Variants in TCF12 observed in about 807,000 individuals in gnomAD.
TCF12 encodes transcription factor 12.
TCF12 carries 45 observed loss-of-function variants against 86.0 expected under a neutral mutation model. That is an observed-to-expected ratio of 0.52 (90% CI 0.41 to 0.67). TCF12 has a LOEUF of 0.67. Among genes scored for constraint, TCF12 ranks in the 30% least tolerant of loss-of-function variants. The pLI, the probability that TCF12 is intolerant of heterozygous loss-of-function variation, is 0.00. For missense variants in TCF12, 881 were observed against 859.9 expected, an observed-to-expected ratio of 1.02 and a Z score of -0.31; for synonymous variants, 330 against 299.6, an observed-to-expected ratio of 1.10 and a Z score of -1.05.
intron 5 of TCF12, among the ~76,000 whole-genome samples, chr15:57,160,847 G>T (rs577620621): frequency 3.8e-4 from 58 of 150,904 alleles, no homozygotes; most frequent in African/African-American, 1.4e-3. Context: ...ACCATGCCCA[G>T]CTAAGTTTTT....
At chr15:57,200,830 G>T (rs1441320490) in intron 8 of TCF12, among the ~76,000 whole-genome samples, 4 of 152,074 alleles carry the variant, frequency 2.6e-5, no homozygotes, top group African/African-American at 9.7e-5. Context: ...GTGGATGAAG[G>T]TCTAACTAAG....
chr15:56,947,379 C>T (rs213166), intron 3 of TCF12, among the ~76,000 whole-genome samples: 26,861 of 152,086 alleles, frequency 0.18, 2,813 homozygotes, highest in Non-Finnish European at 0.23. Context: ...TCCTTCTCTG[C>T]GTAGCTTCCT....
intron 18 of TCF12, among the ~76,000 whole-genome samples, chr15:57,269,360 C>CTTTTTTTTTTTTTTTTT (rs56700978): frequency 3.1e-5 from 1 of 32,000 alleles, no homozygotes; most frequent in Non-Finnish European, 5.2e-5. Flanking sequence ...ACAACCCCTG[C>CTTTTTTTTTTTTTTTTT]TTTTTTTTTT....
chr15:57,100,313 A>G (rs1487496890), intron 5 of TCF12, among the ~76,000 whole-genome samples: 2 of 152,154 alleles, frequency 1.3e-5, no homozygotes, highest in Non-Finnish European at 2.9e-5. Flanking sequence ...TCAGAAGCAC[A>G]CCATAGCACG....
chr15:57,266,143 G>A (rs193230312), intron 18 of TCF12, among the ~76,000 whole-genome samples: 8 of 151,302 alleles, frequency 5.3e-5, no homozygotes, highest in South Asian at 2.1e-4. Flanking sequence ...ACAGGGTCTC[G>A]CTGTCACCCA....
intron 3 of TCF12, among the ~76,000 whole-genome samples, chr15:56,937,302 GATTTGTATACGTTA>G (rs1203612858): frequency 6.6e-6 from 1 of 151,658 alleles, no homozygotes; most frequent in Admixed American, 6.6e-5. Context: ...TAGAGCTACT[GATTTGTATACGTTA>G]ATTTGTATAC....
In TCF12 at chr15:57,034,121, G is replaced by A. The variant is rs141655942; in HGVS notation, c.149-29629G>A. ...TGGATACAGTTTAACACTTCATTAAGCAAATGGCTTCTCTTTCCTTAGGTG... is the reference window on the plus strand; with the variant it reads ...TGGATACAGTTTAACACTTCATTAAACAAATGGCTTCTCTTTCCTTAGGTG... On this transcript the variant is annotated intron_variant, in intron 3 of 20. Coordinates refer to ENST00000333725, the MANE Select transcript of TCF12 (RefSeq NM_207037.2). Among the ~76,000 whole-genome samples the A allele has an allele frequency of 9.2e-3, 1,408 of 152,246 alleles. 14 individuals carry two copies. The highest frequency in any genetic ancestry group is 0.018 in the South Asian group (87 of 4,824).
chr15:57,228,464 A>T (rs1026705095), intron 8 of TCF12, among the ~76,000 whole-genome samples: 6 of 152,084 alleles, frequency 3.9e-5, no homozygotes, highest in East Asian at 3.9e-4. Flanking sequence ...TTAAAAGTCC[A>T]TTGTTTTCAA....
chr15:57,166,705 C>T (rs151202663), intron 6 of TCF12, among the ~76,000 whole-genome samples: 25 of 152,278 alleles, frequency 1.6e-4, no homozygotes, highest in East Asian at 5.8e-4. Context: ...ACAAAGCTAC[C>T]GCTTTCCAAA....
At chr15:57,221,687 A>G (rs986863761) in intron 8 of TCF12, among the ~76,000 whole-genome samples, 1 of 152,102 alleles carries the variant, frequency 6.6e-6, no homozygotes, top group Non-Finnish European at 1.5e-5. Flanking sequence ...ATATAAATAA[A>G]GAGATGATAT....
intron 4 of TCF12, among the ~76,000 whole-genome samples, chr15:57,074,556 G>T (rs1163259586): frequency 2.6e-5 from 4 of 152,082 alleles, no homozygotes; most frequent in Admixed American, 6.5e-5. Context: ...GCCCAGGCTG[G>T]AAATGCAGTG....
At chr15:56,951,943 C>A (rs1006001161) in intron 3 of TCF12, among the ~76,000 whole-genome samples, 1 of 152,162 alleles carries the variant, frequency 6.6e-6, no homozygotes, top group African/African-American at 2.4e-5. Context: ...CCACTGCACA[C>A]GGCCTTACTT....
chr15:57,043,631 C>G (rs2470080), intron 3 of TCF12, among the ~76,000 whole-genome samples: 27,804 of 152,092 alleles, frequency 0.18, 3,027 homozygotes, highest in Non-Finnish European at 0.24. Flanking sequence ...ATTGGGTATT[C>G]TTAATTGATT....
chr15:57,028,638 G>T (rs1330114132), intron 3 of TCF12, among the ~76,000 whole-genome samples: 4 of 152,110 alleles, frequency 2.6e-5, no homozygotes, highest in Admixed American at 2.6e-4. Context: ...CCTTTTCATT[G>T]TCTGAATAGT....
chr15:57,134,540 C>A (rs1466604126), intron 5 of TCF12: 1 of 152,158 alleles, frequency 6.6e-6, no homozygotes, highest in East Asian at 1.9e-4. Context: ...CATCTGTGAC[C>A]TACACTTAAT....
At chr15:56,972,417 G>A (rs551478970) in intron 3 of TCF12, among the ~76,000 whole-genome samples, 1 of 152,244 alleles carries the variant, frequency 6.6e-6, no homozygotes, top group East Asian at 1.9e-4. Context: ...TATAAACTAT[G>A]GTATAGCCAC....
chr15:56,945,882 G>A (rs1289119512), intron 3 of TCF12, among the ~76,000 whole-genome samples: 1 of 152,142 alleles, frequency 6.6e-6, no homozygotes, highest in Non-Finnish European at 1.5e-5. Context: ...TTATAAAAGT[G>A]GGTTTGGCCC....
rs796607260 is a variant in TCF12, at chr15:57,059,604, G to A, written c.149-4146G>A. The stretch of plus-strand genomic sequence containing the variant: ...AAGGAACTGGTGTTCATGTCAGCAG[G>A]TTTGTTCCTAATTCTTCCCTTTTAC... On this transcript the variant is annotated intron_variant, in intron 3 of 20. Coordinates refer to ENST00000333725, the MANE Select transcript of TCF12 (RefSeq NM_207037.2). 9.9e-5 allele frequency among the ~76,000 whole-genome samples: 15 copies of A among 152,020 alleles called. 1 individual carries two copies. Among genetic ancestry groups the A allele is most frequent in the African/African-American group, 3.4e-4 (14 of 41,440 alleles).
intron 3 of TCF12, among the ~76,000 whole-genome samples, chr15:56,975,305 T>A (rs1274656489): frequency 6.6e-6 from 1 of 152,116 alleles, no homozygotes. Flanking sequence ...GCTGACAAAA[T>A]GTAGTCTAAA....
Sources: allele counts gnomAD v4.1 joint callset (sites outside exome capture counted in the v4.1 genomes callset), GRCh38; gene constraint gnomAD v4.1.1; transcripts MANE v1.5; gene names NCBI Gene and HGNC (gene_info 2026-07-23, HGNC 2026-07-21).